The following ITPR1 variants were observed in gnomAD, a reference collection of about 807,000 sequenced individuals.
The protein encoded by ITPR1 is inositol 1,4,5-trisphosphate receptor type 1.
Under a neutral mutation model 318.4 loss-of-function variants are expected in ITPR1, and 96 were observed. The ratio of observed to expected loss-of-function variants is 0.30; its 90% CI spans 0.26 to 0.36. The LOEUF (loss-of-function observed/expected upper bound fraction) is 0.36. Among genes scored for constraint, ITPR1 ranks in the 10% least tolerant of loss-of-function variants. The pLI is 1.00. For missense variants in ITPR1, 2,440 were observed against 3,460.2 expected, an observed-to-expected ratio of 0.71 and a Z score of 7.40; for synonymous variants, 1,312 against 1,289.9, an observed-to-expected ratio of 1.02 and a Z score of -0.37.
intron 4 of ITPR1, among the ~76,000 whole-genome samples, chr3:4,568,515 T>G (rs1168580294): frequency 2.0e-5 from 3 of 152,062 alleles, no homozygotes; most frequent in Non-Finnish European, 4.4e-5. Flanking sequence ...GCTGGTAATA[T>G]AGGGAGCTGT....
Position 4,811,479 on chromosome 3 carries a change from G to A in ITPR1, c.7468+19G>A. The A allele has an allele frequency of 1.3e-6, 2 of 1,580,412 alleles. No individual in the cohort carries two copies. The highest frequency in any genetic ancestry group is 1.7e-6 in the Non-Finnish European group (2 of 1,156,342). ...GTTCCAGGTGGGTTTGGGATCTTCT[G>A]ATCTTTTTAATGCTAAAAGATTATT... On this transcript the variant is annotated intron_variant, in intron 56 of 61. Coordinates refer to ENST00000649015, the MANE Select transcript of ITPR1 (RefSeq NM_001378452.1).
chr3:4,563,110 T>C (rs951696673), intron 4 of ITPR1, among the ~76,000 whole-genome samples: 2 of 152,036 alleles, frequency 1.3e-5, no homozygotes, highest in African/African-American at 4.8e-5. Flanking sequence ...GTAAAAGCTA[T>C]GATGTAGGTA....
In ITPR1 at chr3:4,808,212, T is replaced by C. The variant is rs117832857; in HGVS notation, c.7272+1945T>C. On this transcript the variant is annotated intron_variant, in intron 55 of 61. Coordinates refer to ENST00000649015, the MANE Select transcript of ITPR1 (RefSeq NM_001378452.1). Reference sequence around the variant, plus strand: ...ACCCTGCACTCTTCTCTACACACTCTCACTACCACCTTTGAGGTAGATGGT... The same window carrying C: ...ACCCTGCACTCTTCTCTACACACTCCCACTACCACCTTTGAGGTAGATGGT... Among the ~76,000 whole-genome samples, 292 of 152,298 alleles carry C rather than the reference T, an allele frequency of 1.9e-3. 6 individuals are homozygous for C. In the East Asian group the frequency reaches 0.048, roughly 25 times the overall value.
At chr3:4,802,835 A>AAGAAAGAAAGAAAG (rs549608435) in intron 54 of ITPR1, among the ~76,000 whole-genome samples, 1 of 149,798 alleles carries the variant, frequency 6.7e-6, no homozygotes, top group Admixed American at 6.6e-5. Flanking sequence ...TAAAAAAAAA[A>AAGAAAGAAAGAAAG]AGAAAGAAAG....
intron 60 of ITPR1, 109 bp from the exon 61 acceptor site, chr3:4,836,665 C>T: frequency 9.1e-7 from 1 of 1,098,680 alleles, no homozygotes; most frequent in Non-Finnish European, 1.2e-6. Flanking sequence ...AGGAGATAAC[C>T]TAATGAGAGT....
At chr3:4,619,242 T>G (rs1248943488) in intron 4 of ITPR1, among the ~76,000 whole-genome samples, 3 of 152,206 alleles carry the variant, frequency 2.0e-5, no homozygotes, top group Non-Finnish European at 4.4e-5. Context: ...TGTATGGGTC[T>G]GTATTTTCTT....
intron 41 of ITPR1, among the ~76,000 whole-genome samples, chr3:4,726,545 A>T (rs2042530095): frequency 6.6e-6 from 1 of 152,236 alleles, no homozygotes; most frequent in Non-Finnish European, 1.5e-5. Flanking sequence ...GAAGACTTAA[A>T]AATGAAACAT....
rs1382664089 is a variant in ITPR1 at position 4,683,469 on chromosome 3, A to G, written c.3245A>G (p.Tyr1082Cys). Residue 1082 changes from tyrosine (Y) to cysteine (C), a missense_variant, in exon 27 of 62, where the codon TAC becomes TGC. Transcript: ENST00000649015. ...RVLLHLTMHD[Y>C]PPLVSGALQL... Reference sequence around the variant, plus strand: ...CTGCTCCACTTGACGATGCATGACTACCCACCCCTGGTGTCAGGGGCCCTG... The same window carrying G: ...CTGCTCCACTTGACGATGCATGACTGCCCACCCCTGGTGTCAGGGGCCCTG... 1 of 1,613,958 alleles carries G rather than the reference A, an allele frequency of 6.2e-7. No individual in the cohort carries two copies. The highest frequency in any genetic ancestry group is 8.5e-7 in the Non-Finnish European group (1 of 1,179,866).
intron 51 of ITPR1, among the ~76,000 whole-genome samples, chr3:4,786,226 T>A (rs2047189975): frequency 1.3e-5 from 2 of 152,194 alleles, no homozygotes; most frequent in South Asian, 4.1e-4. Context: ...TCCCTGACCC[T>A]TGCATACACC....
intron 12 of ITPR1, among the ~76,000 whole-genome samples, chr3:4,657,850 C>T (rs764121502): frequency 3.3e-5 from 5 of 152,136 alleles, no homozygotes; most frequent in Non-Finnish European, 5.9e-5. Context: ...CGTGATCCAC[C>T]TGCCTTGGCC....
chr3:4,652,004 T>C (rs965807359), intron 10 of ITPR1, 119 bp from the exon 11 acceptor site: 6 of 784,414 alleles, frequency 7.6e-6, no homozygotes, highest in Admixed American at 6.4e-5. Flanking sequence ...TTGAAGATGC[T>C]GATTTTCTTT....
chr3:4,754,056 G>GC lies in ITPR1; in HGVS notation c.5545-12474_5545-12473insC, dbSNP rs879826285. ...TGCACAAACACAGAAAATGGGGGGG[G>GC]GGTGGCAAGGATTATTCTTGGCATC... On this transcript the variant is annotated intron_variant, in intron 44 of 61. Coordinates refer to ENST00000649015, the MANE Select transcript of ITPR1 (RefSeq NM_001378452.1). 6.8e-5 allele frequency among the ~76,000 whole-genome samples: 9 copies of GC among 132,170 alleles called. No homozygotes were observed. In the East Asian group the frequency reaches 8.5e-4, roughly 12 times the overall value. 86.7% of individuals were successfully genotyped at this position (132,170 alleles called of 152,430 possible).
At chr3:4,803,902 C>T (rs1045630060) in intron 54 of ITPR1, among the ~76,000 whole-genome samples, 4 of 152,224 alleles carry the variant, frequency 2.6e-5, no homozygotes, top group Non-Finnish European at 5.9e-5. Flanking sequence ...GACAGAGTCT[C>T]GATCTGTCAC....
chr3:4,812,672 C>T (rs2049016859), intron 56 of ITPR1, among the ~76,000 whole-genome samples: 1 of 152,186 alleles, frequency 6.6e-6, no homozygotes, highest in Admixed American at 6.5e-5. Flanking sequence ...AGCCTTTGTG[C>T]TCTCCCTCCC....
intron 4 of ITPR1, among the ~76,000 whole-genome samples, chr3:4,540,073 G>T (rs966208566): frequency 2.6e-5 from 4 of 151,024 alleles, no homozygotes; most frequent in African/African-American, 9.7e-5. Flanking sequence ...CACTGTGACA[G>T]TAGGTGTGCA....
chr3:4,536,288 A>G (rs1012656823), intron 4 of ITPR1, among the ~76,000 whole-genome samples: 1 of 152,210 alleles, frequency 6.6e-6, no homozygotes, highest in Admixed American at 6.5e-5. Flanking sequence ...TTATGATTTC[A>G]GCTTTTTAAT....
Position 4,779,834 on chromosome 3 carries a change from G to A in ITPR1, c.6387+189G>A, listed in dbSNP as rs1405295233. ...TTTTGGTTGGTGCAAAAGTAATCGC[G>A]GTTTTTGCTATTACTTTCAATGGCA... On this transcript the variant is annotated intron_variant, in intron 49 of 61. Coordinates refer to ENST00000649015, the MANE Select transcript of ITPR1 (RefSeq NM_001378452.1). This position sits in a 1 kb window ranked among gnomAD's most constrained non-coding sequence, Gnocchi z 4.0. Among the ~76,000 whole-genome samples the A allele has an allele frequency of 1.3e-5, 2 of 148,654 alleles. No homozygotes were observed. The highest frequency in any genetic ancestry group is 3.0e-5 in the Non-Finnish European group (2 of 67,216).
intron 39 of ITPR1, among the ~76,000 whole-genome samples, chr3:4,712,380 T>A (rs543104668): frequency 2.9e-4 from 44 of 152,362 alleles, no homozygotes; most frequent in Admixed American, 1.6e-3. Context: ...ACCTGATTGT[T>A]CTTAGTATAT....
At chr3:4,687,816 C>T (rs966859735) in intron 30 of ITPR1, among the ~76,000 whole-genome samples, 4 of 152,176 alleles carry the variant, frequency 2.6e-5, no homozygotes, top group Middle Eastern at 3.2e-3. Context: ...GATGGGAAAA[C>T]TAAGTCTGAG....
Sources: gnomAD v4.1 joint callset for allele counts (sites outside exome capture counted in the v4.1 genomes callset) on GRCh38, gnomAD v4.1.1 for gene constraint, Gnocchi (gnomAD v3.1) non-coding constraint, MANE v1.5 for transcripts, NCBI Gene and HGNC (gene_info 2026-07-23, HGNC 2026-07-21) for gene names.